The following PABPC4 variants were observed in gnomAD, a reference collection of about 807,000 sequenced individuals.
PABPC4 encodes the protein polyadenylate-binding protein 4.
PABPC4 carries 15 observed loss-of-function variants against 74.5 expected under a neutral mutation model. The observed-to-expected ratio is 0.20, with a 90% CI of 0.13 to 0.31. The LOEUF (loss-of-function observed/expected upper bound fraction) is 0.31, where lower values mean the gene tolerates loss of function less well. Ranked by LOEUF, PABPC4 falls within the 10% of genes least tolerant of loss-of-function variation. The pLI, the probability that PABPC4 is intolerant of heterozygous loss-of-function variation, is 1.00. For synonymous variants in PABPC4, 345 were observed against 303.0 expected (o/e 1.14, Z -1.44); for missense variants, 610 against 853.5 (o/e 0.71, Z 3.55).
At chr1:39,566,745 C>A (rs1017526176) in intron 7 of PABPC4, among the ~76,000 whole-genome samples, 3 of 152,162 alleles carry the variant, frequency 2.0e-5, no homozygotes, top group African/African-American at 7.2e-5. Context: ...CTTCTGCTCT[C>A]TTAACAAATG....
rs1293123348 is a variant in PABPC4, at chr1:39,560,848, CG to C, written c.*287del. ...GAGATTTTTTTTCTTTATTGGGAAA[CG>C]TAAGACTTGGGTACATCAAATAAAA... On this transcript the variant is annotated 3_prime_UTR_variant, in exon 16 of 16. Transcript: ENST00000372858. 11 of 170,242 alleles carry C rather than the reference CG, an allele frequency of 6.5e-5. No homozygotes were observed. The highest frequency in any genetic ancestry group is 3.0e-4 in the East Asian group (2 of 6,718). The allele number at this position is 170,242 out of a possible 1,614,324, so 10.5% of individuals were successfully genotyped here.
At chr1:39,562,520 A>G in intron 12 of PABPC4, 104 bp from the exon 13 acceptor site, 1 of 809,378 alleles carries the variant, frequency 1.2e-6, no homozygotes, top group African/African-American at 1.7e-5. Context: ...GTGAAAGAGG[A>G]GAGGAGGTGG....
chr1:39,564,911 A>T, intron 8 of PABPC4, 138 bp from the exon 9 acceptor site: 2 of 865,532 alleles, frequency 2.3e-6, no homozygotes, highest in Non-Finnish European at 3.6e-6. Flanking sequence ...GGGGTCAGCT[A>T]ATGGGGACTG....
chr1:39,575,725 C>G (rs1194278770), intron 1 of PABPC4, 34 bp downstream of exon 1: 1 of 1,487,566 alleles, frequency 6.7e-7, no homozygotes, highest in East Asian at 2.6e-5. Flanking sequence ...GTCCTCCGGG[C>G]TCCCACGCAC....
In PABPC4 at chr1:39,575,889, G is replaced by T. The variant is rs768056436; in HGVS notation, c.63C>A (p.Asp21Glu). 31 of 1,611,444 alleles carry T rather than the reference G, an allele frequency of 1.9e-5. No homozygotes were observed. The highest frequency in any genetic ancestry group is 2.5e-5 in the Non-Finnish European group (29 of 1,179,162). Residue 21 changes from aspartate (D) to glutamate (E), a missense_variant, in exon 1 of 16, where the codon GAC becomes GAA. Transcript: ENST00000372858. ...ASLYVGDLHS[D>E]VTEAMLYEKF... ...TTTCGTACAGCATGGCCTCGGTGACGTCCGAATGCAGGTCGCCCACGTACA... is the reference window on the plus strand; with the variant it reads ...TTTCGTACAGCATGGCCTCGGTGACTTCCGAATGCAGGTCGCCCACGTACA...
intron 1 of PABPC4, 114 bp from the exon 2 acceptor site, chr1:39,572,700 C>T: frequency 1.4e-6 from 1 of 717,888 alleles, no homozygotes; most frequent in South Asian, 2.0e-5. Context: ...TGATAAAAGG[C>T]AACTCTATTA....
At position 39,569,859 on chromosome 1, in the gene PABPC4, T is replaced by G; in HGVS notation, c.643+4A>C. 1 of 1,613,926 alleles carries G rather than the reference T, an allele frequency of 6.2e-7. No individual in the cohort carries two copies. Among genetic ancestry groups the G allele is most frequent in the Non-Finnish European group, 8.5e-7 (1 of 1,179,916 alleles). ...GTGAAAGGAGACAAGGAACCCCAAC[T>G]TACCAAACTGACTGAATAGCTCTTT... On this transcript the variant is annotated splice_donor_region_variant and intron_variant, in intron 4 of 15. Coordinates refer to ENST00000372858, the MANE Select transcript of PABPC4 (RefSeq NM_001135653.2).
In PABPC4 at chr1:39,563,507, A is replaced by G. The variant is rs1206424867; in HGVS notation, c.1668+107T>C. 1.0e-5 allele frequency: 14 copies of G among 1,357,744 alleles called. No individual in the cohort carries two copies. The East Asian group carries it at 3.1e-4, about 30-fold the overall frequency. 84.1% of individuals were successfully genotyped at this position (1,357,744 alleles called of 1,614,324 possible). On this transcript the variant is annotated intron_variant, in intron 12 of 15. Coordinates refer to ENST00000372858, the MANE Select transcript of PABPC4 (RefSeq NM_001135653.2). ...GTGAATCAGAACATAGCGTCATAAC[A>G]CAGAGCAGGCATTTAATACCTGTTG...
rs2124435281 is a variant in PABPC4, at chr1:39,561,033, G to T, written c.*103C>A. The T allele has an allele frequency of 2.4e-6, 1 of 415,514 alleles. No individual in the cohort carries two copies. Among genetic ancestry groups the T allele is most frequent in the East Asian group, 7.2e-5 (1 of 13,808 alleles). 25.7% of individuals were successfully genotyped at this position (415,514 alleles called of 1,614,324 possible). On this transcript the variant is annotated 3_prime_UTR_variant, in exon 16 of 16. Transcript: ENST00000372858. The stretch of plus-strand genomic sequence containing the variant: ...AAATGACCTATTAAATTTGCAATTT[G>T]TAATCCTTGGTGTTGAGGTCCATAG...
chr1:39,570,319 G>C (rs193212412), intron 3 of PABPC4, among the ~76,000 whole-genome samples: 24 of 152,254 alleles, frequency 1.6e-4, no homozygotes, highest in Admixed American at 2.0e-4. Flanking sequence ...GCATAGAAAA[G>C]GTCTGGAAGG....
chr1:39,564,354 C>T, intron 10 of PABPC4, 69 bp downstream of exon 10: 1 of 1,579,942 alleles, frequency 6.3e-7, no homozygotes, highest in South Asian at 1.2e-5. Flanking sequence ...ACTGACCAAC[C>T]CAGGACAGAG....
In PABPC4 at chr1:39,562,218, G is replaced by A. The variant is rs201212605; in HGVS notation, c.1763-15C>T. On this transcript the variant is annotated splice_polypyrimidine_tract_variant and intron_variant, in intron 13 of 15. Coordinates refer to ENST00000372858, the MANE Select transcript of PABPC4 (RefSeq NM_001135653.2). ...CAAGCGTTCTCCTATGGGGAGGATA[G>A]TTAATAAAAAAACAAATCAAATCCC... The A allele has an allele frequency of 6.2e-7, 1 of 1,614,004 alleles. No homozygotes were observed. Among genetic ancestry groups the A allele is most frequent in the East Asian group, 2.2e-5 (1 of 44,888 alleles).
chr1:39,566,831 G>T (rs916847254), intron 7 of PABPC4, among the ~76,000 whole-genome samples: 2 of 152,140 alleles, frequency 1.3e-5, no homozygotes, highest in Non-Finnish European at 2.9e-5. Flanking sequence ...CAAGGGGGGG[G>T]TCATAGCAAA....
intron 1 of PABPC4, among the ~76,000 whole-genome samples, chr1:39,574,081 G>A (rs556361040): frequency 2.6e-5 from 4 of 152,204 alleles, no homozygotes; most frequent in South Asian, 2.1e-4. Flanking sequence ...CAACTCTGCC[G>A]CTCCACAAGC....
rs372363816 is a variant in PABPC4 at position 39,564,818 on chromosome 1, C to T, written c.1246-45G>A. 113 of 1,432,740 alleles carry T rather than the reference C, an allele frequency of 7.9e-5. No homozygotes were observed. In the African/African-American group the frequency reaches 1.4e-3, roughly 18 times the overall value. The allele number at this position is 1,432,740 out of a possible 1,614,324, so 88.8% of individuals were successfully genotyped here. A position where few individuals can be genotyped will look rare whatever the true frequency, so the allele number is the denominator to read the frequency against. On this transcript the variant is annotated intron_variant, in intron 8 of 15. Transcript: ENST00000372858. ...CCAAACACCCCCTTAAGGACTGAAC[C>T]CATCCTAGAGAAGTATCTCATCTCA...
At chr1:39,569,406 C>CA in intron 5 of PABPC4, 189 bp downstream of exon 5, 1 of 600,918 alleles carries the variant, frequency 1.7e-6, no homozygotes, top group South Asian at 2.0e-5. Flanking sequence ...AGGTATGTGC[C>CA]AAGTGCTTTG....
At chr1:39,562,783 C>T (rs1029853006) in intron 12 of PABPC4, 37 of 181,548 alleles carry the variant, frequency 2.0e-4, no homozygotes, top group Admixed American at 7.7e-4. Flanking sequence ...TGTATATAAC[C>T]TTTTCCTGAA....
chr1:39,567,754 A>T lies in PABPC4; in HGVS notation c.969T>A (p.Ala323=). The T allele has an allele frequency of 6.8e-7, 1 of 1,464,134 alleles. No homozygotes were observed. Among genetic ancestry groups the T allele is most frequent in the Non-Finnish European group, 9.6e-7 (1 of 1,043,098 alleles). 90.7% of individuals were successfully genotyped at this position (1,464,134 alleles called of 1,614,324 possible). The change falls in exon 7 of 16, where the codon GCT becomes GCA. Residue 323 remains alanine (A), a synonymous_variant. Transcript: ENST00000372858. ...TCCCCAGATCGCAGTATAATACCTT[A>T]GCACTGGTAATTGATCCAAAAGGAG... ...EFSPFGSITS[A]KVMLEDGRSK...
At chr1:39,575,560 G>T (rs1472090514) in intron 1 of PABPC4, among the ~76,000 whole-genome samples, 199 bp downstream of exon 1, 1 of 152,172 alleles carries the variant, frequency 6.6e-6, no homozygotes, top group African/African-American at 2.4e-5. Context: ...AGGTCACCCA[G>T]TTAGCAAGTG....
Sources: allele counts gnomAD v4.1 joint callset (sites outside exome capture counted in the v4.1 genomes callset), GRCh38; gene constraint gnomAD v4.1.1; transcripts MANE v1.5; gene names NCBI Gene and HGNC (gene_info 2026-07-23, HGNC 2026-07-21).